PDE1A: variants seen among roughly 807,000 people sequenced by gnomAD.
PDE1A encodes the protein phosphodiesterase 1A, also known as dual specificity calcium/calmodulin-dependent 3',5'-cyclic nucleotide phosphodiesterase 1A.
A neutral mutation model predicts 61.7 loss-of-function variants in PDE1A; 35 were observed. That is an observed-to-expected ratio of 0.57 (90% CI 0.43 to 0.75). The LOEUF (loss-of-function observed/expected upper bound fraction) is 0.75. Among genes scored for constraint, PDE1A ranks in the 30% least tolerant of loss-of-function variants. PDE1A has a pLI of 0.00. For missense variants in PDE1A, 597 were observed against 630.6 expected (o/e 0.95, Z 0.57); for synonymous variants, 232 against 213.2 (o/e 1.09, Z -0.77).
chr2:182,651,157 C>G, the PDE1A span, among the ~76,000 whole-genome samples: 1 of 152,142 alleles, frequency 6.6e-6, no homozygotes, highest in South Asian at 2.1e-4. Context: ...CAGGCACCTG[C>G]CATCACACCC....
intron 1 of PDE1A, among the ~76,000 whole-genome samples, chr2:182,311,189 T>C (rs1695945159): frequency 6.6e-6 from 1 of 152,350 alleles, no homozygotes; most frequent in South Asian, 2.1e-4. Flanking sequence ...ATATTATAAC[T>C]TCACTCTTCT....
upstream of PDE1A, among the ~76,000 whole-genome samples, chr2:182,430,213 A>C (rs1703863078): frequency 6.7e-6 from 1 of 149,380 alleles, no homozygotes; most frequent in African/African-American, 2.5e-5. Context: ...CTCATCTGAC[A>C]AAGGGCTAAT....
At chr2:182,366,518 T>C (rs1699845222) in intron 1 of PDE1A, among the ~76,000 whole-genome samples, 1 of 152,074 alleles carries the variant, frequency 6.6e-6, no homozygotes, top group Non-Finnish European at 1.5e-5. Flanking sequence ...TCCTCATTAA[T>C]TTAATAACCT....
chr2:182,548,684 C>G, the PDE1A span, among the ~76,000 whole-genome samples: 1 of 151,992 alleles, frequency 6.6e-6, no homozygotes, highest in Non-Finnish European at 1.5e-5. Flanking sequence ...TTGCCTAAAC[C>G]CTTATCTGGG....
upstream of PDE1A, among the ~76,000 whole-genome samples, chr2:182,527,303 TAAAAAAAAAAA>T (rs869281717): frequency 0.062 from 1,421 of 22,840 alleles, 84 homozygotes; most frequent in Middle Eastern, 0.16. Context: ...CCTTTCTCTA[TAAAAAAAAAAA>T]AAAAAAAAAA....
chr2:182,173,923 C>T (rs1692474742), intron 13 of PDE1A, among the ~76,000 whole-genome samples: 1 of 152,000 alleles, frequency 6.6e-6, no homozygotes, highest in Admixed American at 6.6e-5. Flanking sequence ...TACAAAGTAA[C>T]ATTGACATGT....
intron 13 of PDE1A, among the ~76,000 whole-genome samples, chr2:182,149,469 C>T (rs1023093119): frequency 6.6e-6 from 1 of 152,118 alleles, no homozygotes; most frequent in Non-Finnish European, 1.5e-5. Context: ...ATAAGAGTTT[C>T]GTAGCACTGA....
chr2:182,246,394 CTT>C lies in PDE1A; in HGVS notation c.168-6104_168-6103del, dbSNP rs772600912. ...TTTTTATTCTACTATAGTCTTTTTT[CTT>C]TTTTCTTTCTTTTTTTTTTTTTTTT... On this transcript the variant is annotated intron_variant, in intron 2 of 13. Coordinates refer to ENST00000351439, the Ensembl canonical transcript of PDE1A. Among the ~76,000 whole-genome samples, 94 of 105,382 alleles carry C rather than the reference CTT, an allele frequency of 8.9e-4. No homozygotes were observed. In the South Asian group the frequency reaches 0.01, roughly 11 times the overall value. 69.1% of individuals were successfully genotyped at this position (105,382 alleles called of 152,430 possible).
chr2:182,143,640 C>T (rs533568786), downstream of PDE1A, among the ~76,000 whole-genome samples: 319 of 151,926 alleles, frequency 2.1e-3, 3 homozygotes, highest in African/African-American at 7.3e-3. Flanking sequence ...CTCAGCCTCC[C>T]GAGTAGCTGG....
chr2:182,679,188 A>AT, the PDE1A span, among the ~76,000 whole-genome samples: 435 of 141,694 alleles, frequency 3.1e-3, 6 homozygotes, highest in African/African-American at 0.011. Flanking sequence ...TATTATTATT[A>AT]TTATTTTTTT....
chr2:182,664,725 T>C, the PDE1A span, among the ~76,000 whole-genome samples: 1 of 152,152 alleles, frequency 6.6e-6, no homozygotes, highest in East Asian at 1.9e-4. Context: ...ATCCCTACCC[T>C]AAAATGAGTT....
the PDE1A span, among the ~76,000 whole-genome samples, chr2:182,646,274 CCT>C: frequency 1.1e-4 from 17 of 151,248 alleles, no homozygotes; most frequent in Admixed American, 3.3e-4. Context: ...GTGGTGAAAC[CCT>C]GTCTTTACTA....
the PDE1A span, among the ~76,000 whole-genome samples, chr2:182,632,167 G>T: frequency 1.3e-5 from 2 of 152,144 alleles, no homozygotes; most frequent in South Asian, 4.1e-4. Flanking sequence ...CAGAGAGAGA[G>T]ATTTTTTCCA....
At chr2:182,638,666 C>G in the PDE1A span, among the ~76,000 whole-genome samples, 1 of 152,210 alleles carries the variant, frequency 6.6e-6, no homozygotes, top group East Asian at 1.9e-4. Flanking sequence ...TAGATATAAT[C>G]TGCATAAAAA....
intron 2 of PDE1A, among the ~76,000 whole-genome samples, chr2:182,446,907 C>G (rs907788326): frequency 2.0e-5 from 3 of 151,298 alleles, no homozygotes; most frequent in Non-Finnish European, 4.4e-5. Flanking sequence ...TCATCACCAC[C>G]ATATGGGATT....
chr2:182,225,862 C>G (rs1689100839), intron 6 of PDE1A, among the ~76,000 whole-genome samples: 1 of 149,824 alleles, frequency 6.7e-6, no homozygotes, highest in Non-Finnish European at 1.5e-5. Context: ...ATGAGTGAAG[C>G]AGAAATAATT....
chr2:182,183,028 T>C (rs1684898388), intron 13 of PDE1A, among the ~76,000 whole-genome samples: 1 of 152,152 alleles, frequency 6.6e-6, no homozygotes, highest in Non-Finnish European at 1.5e-5. Flanking sequence ...AGTTTCTATA[T>C]AGTAGCCCTA....
chr2:182,263,563 A>C lies in PDE1A; in HGVS notation c.167+738T>G, dbSNP rs1271165074. Among the ~76,000 whole-genome samples the C allele has an allele frequency of 2.0e-5, 3 of 152,102 alleles. No homozygotes were observed. In the East Asian group the frequency reaches 5.8e-4, roughly 29 times the overall value. On this transcript the variant is annotated intron_variant, in intron 2 of 13. Transcript: ENST00000351439. ...GCTGGAAATGCATGCCTCTCTCCCC[A>C]CAGGTTCCCTCTTAGCTCTGAATTC...
At chr2:182,483,471 A>T (rs1487192572) in intron 2 of PDE1A, among the ~76,000 whole-genome samples, 1 of 151,884 alleles carries the variant, frequency 6.6e-6, no homozygotes, top group Non-Finnish European at 1.5e-5. Context: ...CAACCACAAC[A>T]ATAATCAATT....
Sources: allele counts gnomAD v4.1 joint callset (sites outside exome capture counted in the v4.1 genomes callset), GRCh38; gene constraint gnomAD v4.1.1; transcripts MANE v1.5; gene names NCBI Gene and HGNC (gene_info 2026-07-23, HGNC 2026-07-21).